Variants in JAKMIP3 observed in about 807,000 individuals in gnomAD.
JAKMIP3 encodes Janus kinase and microtubule interacting protein 3, also known as janus kinase and microtubule-interacting protein 3.
Under a neutral mutation model 118.5 loss-of-function variants are expected in JAKMIP3, and 58 were observed. That is an observed-to-expected ratio of 0.49 (90% CI 0.40 to 0.61). The LOEUF is 0.61. JAKMIP3 is among the 20% of genes least tolerant of loss of function. The probability of loss-of-function intolerance (pLI) is 0.00; values close to 1 mark genes in which losing one functional copy is unlikely to be tolerated. For missense variants in JAKMIP3, 950 were observed against 1,109.0 expected (o/e 0.86, Z 2.04); for synonymous variants, 486 against 451.2 (o/e 1.08, Z -0.98).
At chr10:132,064,613 G>A (rs540160222), upstream of JAKMIP3, among the ~76,000 whole-genome samples, 13 of 152,344 alleles carry the variant, frequency 8.5e-5, no homozygotes, top group Admixed American at 4.6e-4. The surrounding 1 kb of genome is among the most constrained non-coding windows in gnomAD (Gnocchi z 4.4). Flanking sequence ...TAGAGGCAGC[G>A]ATGGTTGGTA....
upstream of JAKMIP3, among the ~76,000 whole-genome samples, chr10:132,064,500 G>A (rs1219206394): frequency 2.7e-5 from 4 of 150,548 alleles, no homozygotes; most frequent in African/African-American, 9.7e-5. The surrounding 1 kb of genome is among the most constrained non-coding windows in gnomAD (Gnocchi z 4.4). Flanking sequence ...CTGGATCTCC[G>A]ACCCACCGTT....
chr10:132,095,661 A>C (rs1203393399), intron 1 of JAKMIP3, among the ~76,000 whole-genome samples: 1 of 152,108 alleles, frequency 6.6e-6, no homozygotes. Flanking sequence ...TGGATGCAGA[A>C]GTTCACGACA....
intron 1 of JAKMIP3, among the ~76,000 whole-genome samples, chr10:132,102,985 G>C (rs2045236144): frequency 6.6e-6 from 1 of 151,404 alleles, no homozygotes; most frequent in Non-Finnish European, 1.5e-5. Flanking sequence ...TGTTCACCGG[G>C]AGAGGAGATG....
intron 1 of JAKMIP3, among the ~76,000 whole-genome samples, chr10:132,101,481 A>G (rs569841211): frequency 6.6e-6 from 1 of 152,310 alleles, no homozygotes; most frequent in South Asian, 2.1e-4. Context: ...GACCCTTTAA[A>G]ACAGATTCTC....
At chr10:132,163,478 G>C (rs1222798011) in intron 20 of JAKMIP3, 66 bp downstream of exon 20, 2 of 1,445,866 alleles carry the variant, frequency 1.4e-6, no homozygotes, top group Non-Finnish European at 1.9e-6. Flanking sequence ...AGCCAGGGGG[G>C]GTCCTCCCAC....
chr10:132,108,553 C>T (rs1020837333), intron 2 of JAKMIP3, among the ~76,000 whole-genome samples: 4 of 152,068 alleles, frequency 2.6e-5, no homozygotes, highest in South Asian at 2.1e-4. Context: ...GACCCCAGAG[C>T]GCTCTCTGAC....
At position 132,104,790 on chromosome 10, in the gene JAKMIP3, C is replaced by A; in HGVS notation, c.-19C>A. Reference sequence around the variant, plus strand: ...GAGCACCCTACCCCTGGGCATCCCCCTGGCCATCCAGCCTCACCATGTCCA... The same window carrying A: ...GAGCACCCTACCCCTGGGCATCCCCATGGCCATCCAGCCTCACCATGTCCA... On this transcript the variant is annotated 5_prime_UTR_variant, in exon 2 of 24. The change creates a new upstream start codon in the 5' untranslated region. Coordinates refer to ENST00000684848, the MANE Select transcript of JAKMIP3 (RefSeq NM_001323087.2). 1 of 1,547,914 alleles carries A rather than the reference C, an allele frequency of 6.5e-7. No homozygotes were observed. Among genetic ancestry groups the A allele is most frequent in the Non-Finnish European group, 8.7e-7 (1 of 1,145,088 alleles).
At position 132,168,497 on chromosome 10, in the gene JAKMIP3, C is replaced by T. The variant is rs1027407723; in HGVS notation, c.*567C>T. On this transcript the variant is annotated 3_prime_UTR_variant, in exon 23 of 24. Transcript: ENST00000684848. ...CGACGCCTCAGGGGCCCCTCCGATGCTGCAATATGTTGCTGGGGTCCTGAG... is the reference window on the plus strand; with the variant it reads ...CGACGCCTCAGGGGCCCCTCCGATGTTGCAATATGTTGCTGGGGTCCTGAG... 6.1e-6 allele frequency: 5 copies of T among 820,468 alleles called. No individual in the cohort carries two copies. Among genetic ancestry groups the T allele is most frequent in the Admixed American group, 3.1e-5 (1 of 32,044 alleles). 50.8% of individuals were successfully genotyped at this position (820,468 alleles called of 1,614,324 possible). A position where few individuals can be genotyped will look rare whatever the true frequency, so the allele number is the denominator to read the frequency against.
chr10:132,086,251 A>T (rs1475254465), intron 1 of JAKMIP3, among the ~76,000 whole-genome samples: 1 of 152,088 alleles, frequency 6.6e-6, no homozygotes, highest in Non-Finnish European at 1.5e-5. Flanking sequence ...GTTTTCTTAA[A>T]TTTATTGAGG....
chr10:132,161,517 TGGGGGGCCTCTCCCTGTGTGATGCTG>T (rs2058314224), intron 19 of JAKMIP3, among the ~76,000 whole-genome samples: 1 of 49,004 alleles, frequency 2.0e-5, no homozygotes, highest in Non-Finnish European at 3.6e-5. Flanking sequence ...TGTGTGATGC[TGGGGGGCCTCTCCCTGTGTGATGCTG>T]GGGGGGGTCT....
rs74161736 is a variant in JAKMIP3, at chr10:132,175,424, G to A, written c.*1103+6391G>A. Among the ~76,000 whole-genome samples the A allele has an allele frequency of 6.8e-3, 1,027 of 152,132 alleles. 10 individuals carry two copies. Among genetic ancestry groups the A allele is most frequent in the African/African-American group, 0.022 (927 of 41,476 alleles). The stretch of plus-strand genomic sequence containing the variant: ...TCTGCTTGGCTCTGTGGTCAGTGCC[G>A]TCCTGGCTGGGGTGTCCACCTTACT... On this transcript the variant is annotated intron_variant, in intron 23 of 23. Transcript: ENST00000684848.
intron 23 of JAKMIP3, among the ~76,000 whole-genome samples, chr10:132,174,441 T>C (rs554052330): frequency 1.3e-5 from 2 of 152,030 alleles, no homozygotes; most frequent in South Asian, 2.1e-4. Flanking sequence ...CTCCGTGGGC[T>C]CTGTGGGCTC....
chr10:132,174,508 C>T (rs1390094577), intron 23 of JAKMIP3, among the ~76,000 whole-genome samples: 4 of 152,076 alleles, frequency 2.6e-5, no homozygotes, highest in African/African-American at 9.7e-5. Flanking sequence ...GACCACAGTG[C>T]ACCAGGGGCT....
chr10:132,069,667 A>G (rs1396586690), intron 1 of JAKMIP3, among the ~76,000 whole-genome samples: 4 of 152,202 alleles, frequency 2.6e-5, no homozygotes, highest in Non-Finnish European at 4.4e-5. Flanking sequence ...CGCAATTGGC[A>G]GGTGCATAGC....
intron 1 of JAKMIP3, among the ~76,000 whole-genome samples, chr10:132,045,712 T>G (rs994286751): frequency 9.2e-5 from 14 of 151,840 alleles, no homozygotes; most frequent in African/African-American, 3.1e-4. Flanking sequence ...GAGCATCTCT[T>G]GAGCTCAGGA....
Position 132,147,978 on chromosome 10 carries a change from T to G in JAKMIP3, c.1776T>G (p.Ala592=). The part of the protein sequence containing the change: ...EKIKQMETEE[A]RLRHEVQDAR... Reference sequence around the variant, plus strand: ...TCAAACAAATGGAGACGGAAGAGGCTCGGCTCAGACACGAGGTGCAGGACG... The same window carrying G: ...TCAAACAAATGGAGACGGAAGAGGCGCGGCTCAGACACGAGGTGCAGGACG... Residue 592 remains alanine, a synonymous_variant, in exon 14 of 24, where the codon GCT becomes GCG. Transcript: ENST00000684848. 1.2e-6 allele frequency: 2 copies of G among 1,610,108 alleles called. No homozygotes were observed. The highest frequency in any genetic ancestry group is 4.5e-5 in the East Asian group (2 of 44,822).
chr10:132,076,552 C>T lies in JAKMIP3; in HGVS notation c.-138+10491C>T, dbSNP rs542971698. Among the ~76,000 whole-genome samples, 123 of 152,372 alleles carry T rather than the reference C, an allele frequency of 8.1e-4. 3 individuals are homozygous for T. The South Asian group carries it at 0.025, about 30-fold the overall frequency. ...GGGTGGATGGCTGGCCTATGGTGGC[C>T]CCAGTTCCAATGGTGTGAGGGCTGG... is the stretch of plus-strand genomic sequence containing the variant. On this transcript the variant is annotated intron_variant, in intron 1 of 23. Coordinates refer to ENST00000684848, the MANE Select transcript of JAKMIP3 (RefSeq NM_001323087.2).
At position 132,139,204 on chromosome 10, in the gene JAKMIP3, G is replaced by GTGTT. The variant is rs1554946286; in HGVS notation, c.1344+1029_1344+1030insTTGT. ...TCTGTGTATGTGTGTGTATGAGTGT[G>GTGTT]TGTGTGTATGTGTGTACATGTGAGT... On this transcript the variant is annotated intron_variant, in intron 9 of 23. Coordinates refer to ENST00000684848, the MANE Select transcript of JAKMIP3 (RefSeq NM_001323087.2). Among the ~76,000 whole-genome samples, 455 of 130,432 alleles carry GTGTT rather than the reference G, an allele frequency of 3.5e-3. 28 individuals carry two copies. Among genetic ancestry groups the GTGTT allele is most frequent in the African/African-American group, 9.5e-3 (327 of 34,278 alleles). 85.6% of individuals were successfully genotyped at this position (130,432 alleles called of 152,430 possible). A position where few individuals can be genotyped will look rare whatever the true frequency, so the allele number is the denominator to read the frequency against.
intron 1 of JAKMIP3, among the ~76,000 whole-genome samples, chr10:132,052,576 CTTTG>C (rs1251313581): frequency 2.6e-5 from 4 of 152,160 alleles, no homozygotes; most frequent in African/African-American, 7.2e-5. Flanking sequence ...GGTTCTGCCT[CTTTG>C]TTTGTTTCTT....
Sources: gnomAD v4.1 joint callset for allele counts (sites outside exome capture counted in the v4.1 genomes callset) on GRCh38, gnomAD v4.1.1 for gene constraint, Gnocchi (gnomAD v3.1) non-coding constraint, MANE v1.5 for transcripts, NCBI Gene and HGNC (gene_info 2026-07-23, HGNC 2026-07-21) for gene names.